RHBDD1: variants seen among roughly 807,000 people sequenced by gnomAD.
RHBDD1 encodes the protein rhomboid domain containing 1, also known as rhomboid-related protein 4.
A neutral mutation model predicts 36.3 loss-of-function variants in RHBDD1; 38 were observed. That is an observed-to-expected ratio of 1.05 (90% CI 0.81 to 1.37). The LOEUF is 1.37. Ranked by LOEUF, RHBDD1 falls within the 40% of genes most tolerant of loss-of-function variation. The probability of loss-of-function intolerance (pLI) is 0.00; values close to 1 mark genes in which losing one functional copy is unlikely to be tolerated. For synonymous variants in RHBDD1, 151 were observed against 136.5 expected (o/e 1.11, Z -0.74); for missense variants, 393 against 377.6 (o/e 1.04, Z -0.34).
At chr2:226,947,524 A>T (rs1488207557) in intron 8 of RHBDD1, among the ~76,000 whole-genome samples, 1 of 152,048 alleles carries the variant, frequency 6.6e-6, no homozygotes, top group Admixed American at 6.5e-5. Flanking sequence ...TATAGTTTGA[A>T]GTCAGGTAGT....
At chr2:226,804,569 C>G in the RHBDD1 span, 1 of 152,298 alleles carries the variant, frequency 6.6e-6, no homozygotes, top group Admixed American at 6.5e-5. Flanking sequence ...GAATCCAGTT[C>G]TGCTCTCATC....
At chr2:226,947,546 A>G (rs912817142) in intron 8 of RHBDD1, among the ~76,000 whole-genome samples, 8 of 152,224 alleles carry the variant, frequency 5.3e-5, no homozygotes, top group Admixed American at 3.3e-4. Flanking sequence ...TGATGCCTCC[A>G]GCTTTGTTCT....
At chr2:226,813,000 T>C in the RHBDD1 span, among the ~76,000 whole-genome samples, 1 of 152,158 alleles carries the variant, frequency 6.6e-6, no homozygotes. Context: ...GCAGATGAGG[T>C]TGATGAAGCT....
At chr2:226,953,783 C>T (rs1233106209) in intron 8 of RHBDD1, among the ~76,000 whole-genome samples, 1 of 152,138 alleles carries the variant, frequency 6.6e-6, no homozygotes, top group Non-Finnish European at 1.5e-5. Context: ...TATTTTAAAA[C>T]TTATTTTAAG....
chr2:226,862,184 A>G (rs1408292875), intron 3 of RHBDD1, among the ~76,000 whole-genome samples: 1 of 152,226 alleles, frequency 6.6e-6, no homozygotes, highest in Non-Finnish European at 1.5e-5. Context: ...AGTTTACTTT[A>G]TAGAAATGAA....
chr2:226,830,264 T>C, the RHBDD1 span, among the ~76,000 whole-genome samples: 1 of 152,186 alleles, frequency 6.6e-6, no homozygotes, highest in South Asian at 2.1e-4. Flanking sequence ...CCCAGAGAGC[T>C]AGTTCTCCTT....
chr2:226,818,744 C>G, the RHBDD1 span, among the ~76,000 whole-genome samples: 1 of 151,830 alleles, frequency 6.6e-6, no homozygotes, highest in African/African-American at 2.4e-5. Flanking sequence ...GAGGCTGAGG[C>G]AGGAGAATCG....
the RHBDD1 span, chr2:226,808,568 A>G: frequency 7.2e-5 from 11 of 152,228 alleles, no homozygotes; most frequent in African/African-American, 2.4e-4. Flanking sequence ...GGCTACATCA[A>G]CTAGAGTACT....
chr2:226,817,240 C>T, the RHBDD1 span, among the ~76,000 whole-genome samples: 2 of 152,172 alleles, frequency 1.3e-5, no homozygotes, highest in African/African-American at 4.8e-5. Flanking sequence ...GTTCATTGGT[C>T]AGTGTCATCA....
At position 226,879,072 on chromosome 2, in the gene RHBDD1, C is replaced by CAA. The variant is rs916415771; in HGVS notation, c.566+11771_566+11772dup. 9.8e-3 allele frequency among the ~76,000 whole-genome samples: 825 copies of CAA among 83,942 alleles called. 7 individuals are homozygous for CAA. Among genetic ancestry groups the CAA allele is most frequent in the African/African-American group, 0.022 (612 of 27,670 alleles). 55.1% of individuals were successfully genotyped at this position (83,942 alleles called of 152,430 possible). A position where few individuals can be genotyped will look rare whatever the true frequency, so the allele number is the denominator to read the frequency against. ...ATTTAGTGTGTCACAACTGGCATTCCAAAAAAAAAAAAAAAAAACAGACAT... is the reference window on the plus strand; with the variant it reads ...ATTTAGTGTGTCACAACTGGCATTCCAAAAAAAAAAAAAAAAAAAACAGACAT... On this transcript the variant is annotated intron_variant, in intron 5 of 8. Transcript: ENST00000392062.
At chr2:226,868,325 T>C (rs916295818) in intron 5 of RHBDD1, among the ~76,000 whole-genome samples, 1 of 152,210 alleles carries the variant, frequency 6.6e-6, no homozygotes, top group Non-Finnish European at 1.5e-5. Context: ...AAACAGTTTG[T>C]GGTAGACACC....
rs1943893543 is a variant in RHBDD1, at chr2:226,861,950, AAT to A, written c.-90-2652_-90-2651del. Among the ~76,000 whole-genome samples the A allele has an allele frequency of 3.3e-5, 5 of 152,184 alleles. No homozygotes were observed. In the South Asian group the frequency reaches 1.0e-3, roughly 32 times the overall value. The stretch of plus-strand genomic sequence containing the variant: ...TAACAATATAGAAACGGGTTGTGCT[AAT>A]ACATGGGGTTTTGCCAATAATGTGT... On this transcript the variant is annotated intron_variant, in intron 3 of 8. Coordinates refer to ENST00000392062, the MANE Select transcript of RHBDD1 (RefSeq NM_001167608.3).
chr2:226,975,775 T>C (rs1218461859), intron 8 of RHBDD1, among the ~76,000 whole-genome samples: 1 of 152,200 alleles, frequency 6.6e-6, no homozygotes, highest in African/African-American at 2.4e-5. Flanking sequence ...GTTATGATGA[T>C]GCTTAGGAAC....
rs1247393818 is a variant in RHBDD1 at position 226,914,278 on chromosome 2, T to C, written c.783T>C (p.Tyr261=). 3.7e-6 allele frequency: 6 copies of C among 1,613,862 alleles called. No individual in the cohort carries two copies. In the Middle Eastern group the frequency reaches 4.9e-4, roughly 133 times the overall value. The change falls in exon 8 of 9, where the codon TAT becomes TAC. Residue 261 remains tyrosine, a synonymous_variant. Coordinates refer to ENST00000392062, the MANE Select transcript of RHBDD1 (RefSeq NM_001167608.3). The part of the protein sequence containing the change: ...PDHYEEAPRN[Y]DTYTAGLSEE... The stretch of plus-strand genomic sequence containing the variant: ...ACTATGAAGAAGCACCCAGGAACTA[T>C]GACACGTACACAGCAGGACTGAGTG...
intron 8 of RHBDD1, among the ~76,000 whole-genome samples, chr2:226,971,557 A>G (rs563567704): frequency 4.6e-5 from 7 of 152,354 alleles, no homozygotes; most frequent in Admixed American, 1.3e-4. Context: ...TGAAGCAGCA[A>G]TAGCCACTTT....
intron 3 of RHBDD1, among the ~76,000 whole-genome samples, chr2:226,844,157 G>T (rs547377799): frequency 1.2e-4 from 18 of 152,326 alleles, no homozygotes; most frequent in Middle Eastern, 3.4e-3. Context: ...AGCTTCAAAA[G>T]TTGTTGGTCA....
At chr2:226,935,179 A>AAC (rs1414596501) in intron 8 of RHBDD1, 1 of 152,110 alleles carries the variant, frequency 6.6e-6, no homozygotes, top group African/African-American at 2.4e-5. Flanking sequence ...TTGAGAATGA[A>AAC]ACTGATTGCT....
At chr2:226,887,906 G>A (rs555497350) in intron 5 of RHBDD1, among the ~76,000 whole-genome samples, 2 of 152,130 alleles carry the variant, frequency 1.3e-5, no homozygotes, top group South Asian at 2.1e-4. Flanking sequence ...CTAATGTTTG[G>A]TATTTTTCCA....
intron 5 of RHBDD1, chr2:226,867,646 G>C: frequency 2.0e-6 from 2 of 985,026 alleles, no homozygotes; most frequent in Non-Finnish European, 2.4e-6. Context: ...TTCCAAAGAA[G>C]CACATAGAAA....
Sources: allele counts gnomAD v4.1 joint callset (sites outside exome capture counted in the v4.1 genomes callset), GRCh38; gene constraint gnomAD v4.1.1; transcripts MANE v1.5; gene names NCBI Gene and HGNC (gene_info 2026-07-23, HGNC 2026-07-21).